MCC: variants seen among roughly 807,000 people sequenced by gnomAD.
The protein encoded by MCC is MCC regulator of Wnt signaling pathway, also known as colorectal mutant cancer protein.
MCC carries 90 observed loss-of-function variants against 116.2 expected under a neutral mutation model. The observed-to-expected ratio is 0.77, with a 90% CI of 0.65 to 0.92. The LOEUF is 0.92. Among genes scored for constraint, MCC ranks in the 40% least tolerant of loss-of-function variants. MCC has a pLI of 0.00. For synonymous variants in MCC, 578 were observed against 510.5 expected, an observed-to-expected ratio of 1.13 and a Z score of -1.78; for missense variants, 1,516 against 1,312.2, an observed-to-expected ratio of 1.16 and a Z score of -2.40.
intron 6 of MCC, among the ~76,000 whole-genome samples, chr5:113,118,797 G>A (rs548626428): frequency 2.1e-4 from 32 of 152,332 alleles, no homozygotes; most frequent in Non-Finnish European, 3.8e-4. Context: ...AGCCAGTTCC[G>A]ATGAACAAAC....
intron 1 of MCC, among the ~76,000 whole-genome samples, chr5:113,450,927 G>T (rs776659162): frequency 1.3e-5 from 2 of 152,138 alleles, no homozygotes; most frequent in Admixed American, 1.3e-4. Flanking sequence ...CTTGTAGGTT[G>T]TAATTCATCC....
At chr5:113,464,844 G>C (rs970692266) in intron 1 of MCC, among the ~76,000 whole-genome samples, 2 of 151,744 alleles carry the variant, frequency 1.3e-5, no homozygotes, top group African/African-American at 4.8e-5. Flanking sequence ...ATAAAATGTA[G>C]GGGGAAAATT....
chr5:113,082,004 C>T (rs1043144618), intron 11 of MCC, among the ~76,000 whole-genome samples: 2 of 152,208 alleles, frequency 1.3e-5, no homozygotes, highest in Admixed American at 6.5e-5. Flanking sequence ...ACACCACACT[C>T]GGATGTGACT....
At chr5:113,313,979 C>A (rs1468178983) in intron 3 of MCC, among the ~76,000 whole-genome samples, 1 of 152,122 alleles carries the variant, frequency 6.6e-6, no homozygotes, top group Non-Finnish European at 1.5e-5. Context: ...GGCCACCATG[C>A]CTGGCTAATT....
intron 3 of MCC, among the ~76,000 whole-genome samples, chr5:113,296,584 C>T (rs187482417): frequency 7.0e-4 from 106 of 152,130 alleles, no homozygotes; most frequent in Non-Finnish European, 1.4e-3. Context: ...ATGTGCAGAG[C>T]GGGCATGGGG....
chr5:113,105,235 C>T (rs531547879), intron 6 of MCC, among the ~76,000 whole-genome samples: 1 of 152,306 alleles, frequency 6.6e-6, no homozygotes, highest in East Asian at 1.9e-4. Context: ...TACGTCCAGC[C>T]TAACCCTGCA....
rs145413892 is a variant in MCC, at chr5:113,085,843, C to A, written c.1399-533G>T. On this transcript the variant is annotated intron_variant, in intron 8 of 18. Coordinates refer to ENST00000408903, the MANE Select transcript of MCC (RefSeq NM_001085377.2). ...AGCAGCTGGGACTAGGTGCACACAC[C>A]ACACCTGGCTAATTTTTAAATTCCT... is the stretch of plus-strand genomic sequence containing the variant. Among the ~76,000 whole-genome samples, 58 of 152,244 alleles carry A rather than the reference C, an allele frequency of 3.8e-4. 3 individuals carry two copies. The highest frequency in any genetic ancestry group is 1.3e-3 in the African/African-American group (55 of 41,552).
intron 3 of MCC, among the ~76,000 whole-genome samples, chr5:113,235,792 T>A (rs1180907950): frequency 6.6e-6 from 1 of 152,164 alleles, no homozygotes; most frequent in Non-Finnish European, 1.5e-5. Flanking sequence ...AGGAAACAAA[T>A]CATTTTGAGG....
At chr5:113,091,432 C>G (rs1377631343) in intron 8 of MCC, among the ~76,000 whole-genome samples, 4 of 152,166 alleles carry the variant, frequency 2.6e-5, no homozygotes, top group African/African-American at 4.8e-5. Flanking sequence ...AGCCAGCAGT[C>G]TGAATCAGGA....
At chr5:113,222,770 A>C (rs1369199109) in intron 3 of MCC, among the ~76,000 whole-genome samples, 1 of 152,190 alleles carries the variant, frequency 6.6e-6, no homozygotes, top group African/African-American at 2.4e-5. Context: ...CTGGGAATGC[A>C]AAAGTGACCA....
chr5:113,345,374 T>G (rs914042780), intron 2 of MCC, among the ~76,000 whole-genome samples: 8 of 152,220 alleles, frequency 5.3e-5, no homozygotes, highest in African/African-American at 1.9e-4. Context: ...CTGGCTGGTT[T>G]CCCAAACTGC....
intron 1 of MCC, among the ~76,000 whole-genome samples, chr5:113,465,631 G>C (rs970384344): frequency 7.2e-5 from 11 of 152,132 alleles, no homozygotes; most frequent in Middle Eastern, 3.4e-3. Flanking sequence ...AAAAGATTAG[G>C]ATCTCTAATA....
chr5:113,333,812 T>TATACGTATATATGTAC (rs1767767410), intron 3 of MCC, among the ~76,000 whole-genome samples: 1 of 53,630 alleles, frequency 1.9e-5, no homozygotes, highest in African/African-American at 7.2e-5. Flanking sequence ...TATATATGTA[T>TATACGTATATATGTAC]ATATGTACAT....
At chr5:113,337,989 T>G (rs940426699) in intron 3 of MCC, among the ~76,000 whole-genome samples, 5 of 152,118 alleles carry the variant, frequency 3.3e-5, no homozygotes, top group African/African-American at 1.2e-4. Flanking sequence ...CACTCTCACG[T>G]ATCTGACAGA....
chr5:113,437,522 C>G (rs139204059), intron 1 of MCC, among the ~76,000 whole-genome samples: 1 of 152,216 alleles, frequency 6.6e-6, no homozygotes, highest in Non-Finnish European at 1.5e-5. Flanking sequence ...TATCTAAAAT[C>G]CTAAACTGAC....
intron 3 of MCC, among the ~76,000 whole-genome samples, chr5:113,170,224 T>A (rs1338238328): frequency 6.6e-6 from 1 of 152,234 alleles, no homozygotes; most frequent in Non-Finnish European, 1.5e-5. Context: ...ACCTACTTCT[T>A]TTAAACAAGG....
intron 3 of MCC, among the ~76,000 whole-genome samples, chr5:113,275,972 T>TG (rs1489114653): frequency 1.4e-5 from 2 of 144,922 alleles, no homozygotes; most frequent in African/African-American, 5.3e-5. Context: ...CTTGTTTTGT[T>TG]TTTTTTTTTT....
At chr5:113,135,227 T>G (rs1758740289) in intron 5 of MCC, among the ~76,000 whole-genome samples, 1 of 146,830 alleles carries the variant, frequency 6.8e-6, no homozygotes. Context: ...CGTGAGCCAC[T>G]GTGCCCAGTC....
intron 3 of MCC, among the ~76,000 whole-genome samples, chr5:113,188,393 G>T (rs1036906617): frequency 1.3e-5 from 2 of 152,188 alleles, no homozygotes; most frequent in Non-Finnish European, 2.9e-5. Context: ...CACATGTTCT[G>T]CCATAGAACA....
Sources: gnomAD v4.1 joint callset for allele counts (sites outside exome capture counted in the v4.1 genomes callset) on GRCh38, gnomAD v4.1.1 for gene constraint, MANE v1.5 for transcripts, NCBI Gene and HGNC (gene_info 2026-07-23, HGNC 2026-07-21) for gene names.